Variants in KLHL18 observed in about 807,000 individuals in gnomAD.
KLHL18 encodes the protein kelch-like protein 18.
Under a neutral mutation model 58.5 loss-of-function variants are expected in KLHL18, and 38 were observed. The ratio of observed to expected loss-of-function variants is 0.65; its 90% CI spans 0.50 to 0.85. The LOEUF is 0.85. Ranked by LOEUF, KLHL18 falls within the 40% of genes least tolerant of loss-of-function variation. The probability of loss-of-function intolerance (pLI) is 0.00; values close to 1 mark genes in which losing one functional copy is unlikely to be tolerated. For synonymous variants in KLHL18, 303 were observed against 301.9 expected, an observed-to-expected ratio of 1.00 and a Z score of -0.04; for missense variants, 624 against 778.4, an observed-to-expected ratio of 0.80 and a Z score of 2.36.
intron 1 of KLHL18, among the ~76,000 whole-genome samples, chr3:47,315,194 G>C (rs982694369): frequency 6.6e-6 from 1 of 152,126 alleles, no homozygotes; most frequent in Non-Finnish European, 1.5e-5. Flanking sequence ...AGTGCCTCCC[G>C]GGGGAGAAAC....
At chr3:47,313,549 C>T (rs2107616715) in intron 1 of KLHL18, among the ~76,000 whole-genome samples, 1 of 152,226 alleles carries the variant, frequency 6.6e-6, no homozygotes, top group Middle Eastern at 3.4e-3. Flanking sequence ...CAGTTTCTCC[C>T]AGTGGTAATA....
At chr3:47,341,577 G>T (rs1704109032) in intron 8 of KLHL18, among the ~76,000 whole-genome samples, 1 of 152,302 alleles carries the variant, frequency 6.6e-6, no homozygotes, top group South Asian at 2.1e-4. Context: ...TAGCCAATGG[G>T]AGGTGTTTGC....
intron 1 of KLHL18, among the ~76,000 whole-genome samples, chr3:47,295,774 C>A (rs1161687832): frequency 6.6e-6 from 1 of 151,638 alleles, no homozygotes; most frequent in Admixed American, 6.6e-5. Flanking sequence ...GATACAGGGT[C>A]TTGCTTTGTT....
chr3:47,330,054 G>A lies in KLHL18; in HGVS notation c.505G>A (p.Glu169Lys). ...ANSFIHQHFV[E>K]VSMSEEFLAL... ...CAGCTTCATCCACCAGCACTTTGTG[G>A]AGGTGTCCATGTCAGAAGAGTTCCT... is the stretch of plus-strand genomic sequence containing the variant. Residue 169 changes from glutamate (E) to lysine (K), a missense_variant, in exon 4 of 10, where the codon GAG becomes AAG. Coordinates refer to ENST00000232766, the MANE Select transcript of KLHL18 (RefSeq NM_025010.5). The A allele has an allele frequency of 1.2e-6, 2 of 1,614,100 alleles. No homozygotes were observed. Among genetic ancestry groups the A allele is most frequent in the Non-Finnish European group, 1.7e-6 (2 of 1,180,008 alleles).
rs1034745043 is a variant in KLHL18, at chr3:47,320,031, C to T, written c.260+248C>T. On this transcript the variant is annotated intron_variant, in intron 2 of 9. Transcript: ENST00000232766. ...AATACATTTAATAGGACCTAGACTCCATGATTTTTTTTTTTTTTTTTGACT... is the reference window on the plus strand; with the variant it reads ...AATACATTTAATAGGACCTAGACTCTATGATTTTTTTTTTTTTTTTTGACT... Among the ~76,000 whole-genome samples the T allele has an allele frequency of 3.3e-5, 5 of 151,520 alleles. No homozygotes were observed. In the South Asian group the frequency reaches 6.3e-4, roughly 19 times the overall value.
Position 47,345,436 on chromosome 3 carries a change from AT to A in KLHL18, c.*1499del. ...AATCTCTTGCTGCTGCAAAGAACAG[AT>A]TTTATATTTCTTCCTCTAATCTTGG... On this transcript the variant is annotated 3_prime_UTR_variant, in exon 10 of 10. Coordinates refer to ENST00000232766, the MANE Select transcript of KLHL18 (RefSeq NM_025010.5). 6.6e-6 allele frequency: 1 copy of A among 152,614 alleles called. No homozygotes were observed. Among genetic ancestry groups the A allele is most frequent in the Non-Finnish European group, 1.5e-5 (1 of 68,036 alleles). 9.5% of individuals were successfully genotyped at this position (152,614 alleles called of 1,614,324 possible).
At position 47,334,082 on chromosome 3, in the gene KLHL18, G is replaced by A. The variant is rs1438576407; in HGVS notation, c.762-601G>A. 6.6e-6 allele frequency among the ~76,000 whole-genome samples: 1 copy of A among 152,228 alleles called. No individual in the cohort carries two copies. Among genetic ancestry groups the A allele is most frequent in the Admixed American group, 6.5e-5 (1 of 15,280 alleles). ...AGTAAGTGCCTGTCCATGGCAGATG[G>A]TGTGAAGGTGTGTGTCAGGATGGGG... is the stretch of plus-strand genomic sequence containing the variant. On this transcript the variant is annotated intron_variant, in intron 5 of 9. Transcript: ENST00000232766. The surrounding 1 kb of genome is among the most constrained non-coding windows in gnomAD (Gnocchi z 4.7).
chr3:47,292,024 A>G (rs1252062708), intron 1 of KLHL18, among the ~76,000 whole-genome samples: 3 of 152,220 alleles, frequency 2.0e-5, no homozygotes, highest in Admixed American at 2.0e-4. Flanking sequence ...ATGGCAGGCC[A>G]GAGACCCTGA....
intron 1 of KLHL18, among the ~76,000 whole-genome samples, chr3:47,288,762 T>C (rs1702730259): frequency 6.6e-6 from 1 of 152,226 alleles, no homozygotes; most frequent in Admixed American, 6.5e-5. Context: ...AAAAAGCCCA[T>C]GGTCCTTTTC....
At chr3:47,342,019 A>G (rs1240149715) in intron 8 of KLHL18, among the ~76,000 whole-genome samples, 1 of 152,096 alleles carries the variant, frequency 6.6e-6, no homozygotes, top group Non-Finnish European at 1.5e-5. Context: ...CTGGGAGGTC[A>G]GAACTGCATT....
intron 1 of KLHL18, among the ~76,000 whole-genome samples, chr3:47,314,646 C>G (rs1703380684): frequency 6.6e-6 from 1 of 152,152 alleles, no homozygotes; most frequent in Non-Finnish European, 1.5e-5. Context: ...AGCTCTTATT[C>G]TTTATGATAA....
intron 1 of KLHL18, among the ~76,000 whole-genome samples, chr3:47,318,122 C>T (rs1703498840): frequency 1.3e-5 from 2 of 152,222 alleles, no homozygotes; most frequent in Admixed American, 1.3e-4. Context: ...TCCTTGGCCT[C>T]CCAAAGTGCT....
In KLHL18 at chr3:47,333,271, G is replaced by A. The variant is rs1703908742; in HGVS notation, c.715G>A (p.Asp239Asn). ...LPLCRPQFLS[D>N]RVQQDDLVRC... ...CCTCTGTCGGCCCCAGTTCCTTTCA[G>A]ACAGAGTACAGCAGGATGACCTGGT... The change falls in exon 5 of 10, where the codon GAC becomes AAC. Residue 239 changes from aspartate to asparagine, a missense_variant. Coordinates refer to ENST00000232766, the MANE Select transcript of KLHL18 (RefSeq NM_025010.5). 6.2e-7 allele frequency: 1 copy of A among 1,614,186 alleles called. No individual in the cohort carries two copies. The highest frequency in any genetic ancestry group is 8.5e-7 in the Non-Finnish European group (1 of 1,180,026).
intron 7 of KLHL18, chr3:47,338,824 A>G (rs1277009066): frequency 1.3e-5 from 2 of 152,234 alleles, no homozygotes; most frequent in Non-Finnish European, 2.9e-5. Flanking sequence ...CTCCGTCTCA[A>G]AAAAAAGAAA....
At chr3:47,288,246 A>T (rs1187149240) in intron 1 of KLHL18, among the ~76,000 whole-genome samples, 1 of 146,474 alleles carries the variant, frequency 6.8e-6, no homozygotes, top group African/African-American at 2.6e-5. Context: ...AAAAAAAAAG[A>T]CTTTGCCAAC....
At position 47,299,791 on chromosome 3, in the gene KLHL18, C is replaced by G. The variant is rs571719237; in HGVS notation, c.129+16697C>G. Among the ~76,000 whole-genome samples the G allele has an allele frequency of 3.9e-5, 5 of 127,704 alleles. No individual in the cohort carries two copies. In the East Asian group the frequency reaches 1.3e-3, roughly 32 times the overall value. The allele number at this position is 127,704 out of a possible 152,430, so 83.8% of individuals were successfully genotyped here. A position where few individuals can be genotyped will look rare whatever the true frequency, so the allele number is the denominator to read the frequency against. On this transcript the variant is annotated intron_variant, in intron 1 of 9. Transcript: ENST00000232766. ...GCAGTGAGCCGTGATTGCACCACTG[C>G]ACTCCAGCCTGCGTGACAGAGTGAT...
intron 7 of KLHL18, chr3:47,338,747 G>A (rs1376358159): frequency 1.3e-5 from 2 of 152,148 alleles, no homozygotes; most frequent in South Asian, 2.1e-4. Flanking sequence ...TGCTTAAACC[G>A]GGGAGGCGGG....
chr3:47,307,535 TTTC>T (rs979822692), intron 1 of KLHL18, among the ~76,000 whole-genome samples: 5 of 151,888 alleles, frequency 3.3e-5, no homozygotes, highest in East Asian at 1.9e-4. Flanking sequence ...GCTTAAGATT[TTTC>T]TTCTTTTTTT....
intron 1 of KLHL18, among the ~76,000 whole-genome samples, chr3:47,290,806 A>G (rs1395007879): frequency 6.6e-6 from 1 of 152,240 alleles, no homozygotes; most frequent in African/African-American, 2.4e-5. Flanking sequence ...GAGAGGAAGA[A>G]CATGCTCCTT....
Sources: allele counts gnomAD v4.1 joint callset (sites outside exome capture counted in the v4.1 genomes callset), GRCh38; gene constraint gnomAD v4.1.1; non-coding constraint Gnocchi (gnomAD v3.1); transcripts MANE v1.5; gene names NCBI Gene and HGNC (gene_info 2026-07-23, HGNC 2026-07-21).